BCAS3: variants seen among roughly 807,000 people sequenced by gnomAD.
BCAS3 encodes BCAS3 microtubule associated cell migration factor.
BCAS3 carries 53 observed loss-of-function variants against 116.1 expected under a neutral mutation model. The ratio of observed to expected loss-of-function variants is 0.46; its 90% CI spans 0.37 to 0.57. BCAS3 has a LOEUF of 0.57. BCAS3 is among the 20% of genes least tolerant of loss of function. BCAS3 has a pLI of 0.00. For missense variants in BCAS3, 917 were observed against 1,165.4 expected (o/e 0.79, Z 3.10); for synonymous variants, 391 against 408.2 (o/e 0.96, Z 0.51).
intron 5 of BCAS3, among the ~76,000 whole-genome samples, chr17:60,730,007 CAA>C (rs61571944): frequency 3.8e-4 from 58 of 152,274 alleles, no homozygotes; most frequent in African/African-American, 1.3e-3. Context: ...TTTTGACTAC[CAA>C]AGTGTTAGTT....
chr17:60,873,072 GT>G (rs2055279114), intron 8 of BCAS3, among the ~76,000 whole-genome samples: 2 of 152,206 alleles, frequency 1.3e-5, no homozygotes, highest in East Asian at 3.9e-4. Context: ...CTTTAGTATA[GT>G]AACAGAACAG....
At chr17:60,810,650 A>G in intron 7 of BCAS3, 1 of 677,222 alleles carries the variant, frequency 1.5e-6, no homozygotes, top group Non-Finnish European at 2.8e-6. Context: ...GTTGCTGCTG[A>G]TGACTTTAGA....
chr17:61,028,986 TC>T lies in BCAS3; in HGVS notation c.1638-5678del, dbSNP rs543004900. 3.1e-4 allele frequency among the ~76,000 whole-genome samples: 47 copies of T among 152,046 alleles called. No individual in the cohort carries two copies. Among genetic ancestry groups the T allele is most frequent in the African/African-American group, 1.0e-3 (42 of 41,552 alleles). ...CTTCTTCCATTTTGTTTATAAGAGCTCCTTTGTTTTAATAGTTTTTGCTATT... is the reference window on the plus strand; with the variant it reads ...CTTCTTCCATTTTGTTTATAAGAGCTCTTTGTTTTAATAGTTTTTGCTATT... On this transcript the variant is annotated intron_variant, in intron 16 of 23. Coordinates refer to ENST00000407086, the MANE Select transcript of BCAS3 (RefSeq NM_017679.5). The surrounding 1 kb of genome is among the most constrained non-coding windows in gnomAD (Gnocchi z 4.3).
At chr17:60,907,437 A>T (rs1165174482) in intron 11 of BCAS3, among the ~76,000 whole-genome samples, 2 of 152,220 alleles carry the variant, frequency 1.3e-5, no homozygotes, top group African/African-American at 4.8e-5. Flanking sequence ...TTGTGAGAGC[A>T]GCACCATTAG....
rs117612205 is a variant in BCAS3 at position 60,933,553 on chromosome 17, G to A, written c.1087+9053G>A. Among the ~76,000 whole-genome samples, 639 of 152,262 alleles carry A rather than the reference G, an allele frequency of 4.2e-3. 1 individual carries two copies. The highest frequency in any genetic ancestry group is 6.5e-3 in the Non-Finnish European group (441 of 68,020). ...CTTTAGATGCTTGGCTGCATCTTTA[G>A]CAGACTTGAAATTCTTCTGGTTACT... On this transcript the variant is annotated intron_variant, in intron 13 of 23. Transcript: ENST00000407086.
At position 61,028,125 on chromosome 17, in the gene BCAS3, C is replaced by A. The variant is rs1340280634; in HGVS notation, c.1638-6541C>A. Among the ~76,000 whole-genome samples, 1 of 151,776 alleles carries A rather than the reference C, an allele frequency of 6.6e-6. No individual in the cohort carries two copies. Among genetic ancestry groups the A allele is most frequent in the African/African-American group, 2.4e-5 (1 of 41,388 alleles). ...AAAAAACATTCCAACGTTTTTTCCT[C>A]TTGGACAGAAAGAAGCTTAAATAGT... On this transcript the variant is annotated intron_variant, in intron 16 of 23. Coordinates refer to ENST00000407086, the MANE Select transcript of BCAS3 (RefSeq NM_017679.5). The surrounding 1 kb of genome is among the most constrained non-coding windows in gnomAD (Gnocchi z 4.3).
chr17:61,069,390 A>G (rs973637631), intron 19 of BCAS3, among the ~76,000 whole-genome samples: 1 of 152,258 alleles, frequency 6.6e-6, no homozygotes, highest in African/African-American at 2.4e-5. Flanking sequence ...AACCTGCGCC[A>G]CAAGGACAAA....
chr17:61,364,218 T>C lies in BCAS3; in HGVS notation c.2426-4109T>C, dbSNP rs2058610136. Reference sequence around the variant, plus strand: ...CATCTTCGCTCCTCAACTTCCTAGCTGTGCGCATGCGAAGAGAGAACAGAC... The same window carrying C: ...CATCTTCGCTCCTCAACTTCCTAGCCGTGCGCATGCGAAGAGAGAACAGAC... On this transcript the variant is annotated intron_variant, in intron 22 of 23. Transcript: ENST00000407086. This position sits in a 1 kb window ranked among gnomAD's most constrained non-coding sequence, Gnocchi z 5.4. 6.6e-6 allele frequency among the ~76,000 whole-genome samples: 1 copy of C among 152,200 alleles called. No homozygotes were observed.
intron 2 of BCAS3, among the ~76,000 whole-genome samples, chr17:60,681,919 AG>A (rs2033203608): frequency 6.6e-6 from 1 of 151,938 alleles, no homozygotes. Context: ...TAGTAGAGAC[AG>A]GGTTTCTCCA....
chr17:60,809,270 C>CAA (rs539614540), intron 7 of BCAS3, among the ~76,000 whole-genome samples: 44 of 73,900 alleles, frequency 6.0e-4, no homozygotes, highest in African/African-American at 8.4e-4. Context: ...GACTCTGTCT[C>CAA]AAAAAAAAAA....
rs2055445534 is a variant in BCAS3 at position 61,323,141 on chromosome 17, GT to G, written c.2426-45185del. 2.0e-5 allele frequency among the ~76,000 whole-genome samples: 3 copies of G among 152,292 alleles called. No homozygotes were observed. The South Asian group carries it at 6.2e-4, about 32-fold the overall frequency. On this transcript the variant is annotated intron_variant, in intron 22 of 23. Transcript: ENST00000407086. The surrounding 1 kb of genome is among the most constrained non-coding windows in gnomAD (Gnocchi z 4.6). The stretch of plus-strand genomic sequence containing the variant: ...TTTAGCATCACACGGGGAATTCGCT[GT>G]AACCCAGCCATCTTTTAGGCAGCTG...
At chr17:60,727,093 AT>A (rs2039961244) in intron 5 of BCAS3, 2 of 390,018 alleles carry the variant, frequency 5.1e-6, no homozygotes, top group Non-Finnish European at 9.4e-6. Context: ...CACTGTATTT[AT>A]TTTCTCTCAG....
intron 21 of BCAS3, among the ~76,000 whole-genome samples, chr17:61,080,658 G>T (rs2072508526): frequency 1.3e-5 from 2 of 152,110 alleles, no homozygotes; most frequent in Non-Finnish European, 2.9e-5. Context: ...TACTCGGGAG[G>T]CTGCGGCAGG....
chr17:61,159,323 A>G (rs1011721124), intron 22 of BCAS3: 2 of 142,358 alleles, frequency 1.4e-5, no homozygotes, highest in African/African-American at 4.9e-5. Context: ...ACAATTAACT[A>G]TCAGTAAAAG....
intron 6 of BCAS3, among the ~76,000 whole-genome samples, chr17:60,782,561 G>GTTATTATTATTA (rs59139545): frequency 1.8e-3 from 259 of 142,454 alleles, no homozygotes; most frequent in African/African-American, 5.4e-3. Flanking sequence ...GTCTTTATAA[G>GTTATTATTATTA]TTATTATTAT....
At position 61,190,744 on chromosome 17, in the gene BCAS3, T is replaced by C. The variant is rs990967058; in HGVS notation, c.2425+106180T>C. ...TCAGCCTCCCAAGTAGCTGGGATTA[T>C]AGGCATGTGCCACCACACCTGGCTA... On this transcript the variant is annotated intron_variant, in intron 22 of 23. Transcript: ENST00000407086. Among the ~76,000 whole-genome samples the C allele has an allele frequency of 5.1e-4, 77 of 151,850 alleles. 1 individual carries two copies. Among genetic ancestry groups the C allele is most frequent in the African/African-American group, 1.7e-3 (72 of 41,374 alleles).
intron 15 of BCAS3, among the ~76,000 whole-genome samples, chr17:61,003,106 T>C (rs998648974): frequency 4.6e-5 from 7 of 151,874 alleles, no homozygotes; most frequent in African/African-American, 1.7e-4. Context: ...GGCCCTTTCC[T>C]GGAAATCCTA....
rs982545749 is a variant in BCAS3 at position 61,203,656 on chromosome 17, C to G, written c.2425+119092C>G. On this transcript the variant is annotated intron_variant, in intron 22 of 23. Transcript: ENST00000407086. The surrounding 1 kb of genome is among the most constrained non-coding windows in gnomAD (Gnocchi z 5.7). ...TTTTTAAATTCGTGGAAACTTTGAG[C>G]TACATATTTTGCCTTCCGTTCATCT... Among the ~76,000 whole-genome samples the G allele has an allele frequency of 2.0e-5, 3 of 152,162 alleles. No individual in the cohort carries two copies. Among genetic ancestry groups the G allele is most frequent in the African/African-American group, 7.2e-5 (3 of 41,450 alleles).
intron 15 of BCAS3, among the ~76,000 whole-genome samples, chr17:61,005,355 T>G (rs1259672346): frequency 1.3e-5 from 2 of 152,082 alleles, no homozygotes; most frequent in East Asian, 3.8e-4. Flanking sequence ...GAGTATTGGT[T>G]TCCTGTTTTC....
Sources: gnomAD v4.1 joint callset for allele counts (sites outside exome capture counted in the v4.1 genomes callset) on GRCh38, gnomAD v4.1.1 for gene constraint, Gnocchi (gnomAD v3.1) non-coding constraint, MANE v1.5 for transcripts, NCBI Gene and HGNC (gene_info 2026-07-23, HGNC 2026-07-21) for gene names.